The following GLIS3 variants were observed in gnomAD, a reference collection of about 807,000 sequenced individuals.
GLIS3 encodes GLIS family zinc finger 3.
GLIS3 carries 53 observed loss-of-function variants against 78.6 expected under a neutral mutation model. That is an observed-to-expected ratio of 0.67 (90% CI 0.54 to 0.85). The LOEUF is 0.85. Ranked by LOEUF, GLIS3 falls within the 40% of genes least tolerant of loss-of-function variation. GLIS3 has a pLI of 0.00. For synonymous variants in GLIS3, 684 were observed against 509.9 expected (o/e 1.34, Z -4.60); for missense variants, 1,703 against 1,231.1 (o/e 1.38, Z -5.74).
intron 2 of GLIS3, among the ~76,000 whole-genome samples, chr9:4,253,166 C>T (rs1281263930): frequency 6.6e-6 from 1 of 152,250 alleles, no homozygotes; most frequent in Non-Finnish European, 1.5e-5. Context: ...CTGCTCTCTT[C>T]AGAGCCGGCA....
At chr9:4,191,627 T>G (rs1163325826) in intron 2 of GLIS3, among the ~76,000 whole-genome samples, 1 of 152,196 alleles carries the variant, frequency 6.6e-6, no homozygotes, top group Non-Finnish European at 1.5e-5. Flanking sequence ...TTTCCAACCC[T>G]TTTCCCTAAA....
chr9:4,020,354 G>A (rs558981224), intron 4 of GLIS3, among the ~76,000 whole-genome samples: 1 of 152,106 alleles, frequency 6.6e-6, no homozygotes, highest in South Asian at 2.1e-4. Context: ...AAAAAGGCTT[G>A]GGTGCTGTGA....
chr9:4,068,264 C>A (rs1209464309), intron 4 of GLIS3, among the ~76,000 whole-genome samples: 1 of 151,898 alleles, frequency 6.6e-6, no homozygotes, highest in African/African-American at 2.4e-5. Flanking sequence ...ATAATCAAAT[C>A]CTAAAACTTC....
intron 2 of GLIS3, among the ~76,000 whole-genome samples, chr9:4,197,677 C>T (rs1457991043): frequency 6.6e-6 from 1 of 152,224 alleles, no homozygotes; most frequent in Non-Finnish European, 1.5e-5. Flanking sequence ...GGAGGGAGCT[C>T]AGACCACTAT....
intron 7 of GLIS3, chr9:3,898,256 A>G (rs1823007002): frequency 3.9e-6 from 1 of 257,060 alleles, no homozygotes; most frequent in Admixed American, 4.9e-5. Flanking sequence ...ACATTCTTAT[A>G]AGTTGGTTTG....
At chr9:4,267,202 A>G (rs370326156) in intron 2 of GLIS3, among the ~76,000 whole-genome samples, 5 of 152,130 alleles carry the variant, frequency 3.3e-5, no homozygotes, top group Middle Eastern at 3.4e-3. Flanking sequence ...CACATCTCCC[A>G]TCTTCTAAAG....
intron 2 of GLIS3, among the ~76,000 whole-genome samples, chr9:4,316,415 G>A (rs1462625127): frequency 6.6e-6 from 1 of 152,168 alleles, no homozygotes; most frequent in East Asian, 1.9e-4. Context: ...CTCCTTGCTA[G>A]GGACAGAGTA....
chr9:3,975,603 G>C (rs967377721), intron 4 of GLIS3, among the ~76,000 whole-genome samples: 2 of 151,308 alleles, frequency 1.3e-5, no homozygotes, highest in Non-Finnish European at 2.9e-5. Flanking sequence ...TACCTTATAG[G>C]TGCTTACTTT....
chr9:4,393,180 T>C, the GLIS3 span, among the ~76,000 whole-genome samples: 1 of 152,178 alleles, frequency 6.6e-6, no homozygotes, highest in African/African-American at 2.4e-5. Flanking sequence ...GTTGCTTACA[T>C]TTTCTGTTTT....
the GLIS3 span, among the ~76,000 whole-genome samples, chr9:4,391,762 G>C: frequency 6.6e-6 from 1 of 152,116 alleles, no homozygotes; most frequent in Non-Finnish European, 1.5e-5. Context: ...CCAGTACCTG[G>C]TACTGTTAAT....
chr9:4,308,974 A>G (rs76930095), intron 3 of GLIS3: 10,642 of 152,326 alleles, frequency 0.07, 512 homozygotes, highest in East Asian at 0.17. Flanking sequence ...TCTATCTGCA[A>G]AAGGAGAATG....
At chr9:4,465,786 T>G in the GLIS3 span, among the ~76,000 whole-genome samples, 1 of 152,200 alleles carries the variant, frequency 6.6e-6, no homozygotes, top group Non-Finnish European at 1.5e-5. Flanking sequence ...CCTCTTGGAT[T>G]TCTGCCTCTG....
intron 2 of GLIS3, among the ~76,000 whole-genome samples, chr9:4,220,981 T>C (rs1200779279): frequency 3.3e-5 from 5 of 152,156 alleles, no homozygotes; most frequent in Non-Finnish European, 5.9e-5. Context: ...CAAGACCCTG[T>C]CTCTAATTAA....
chr9:4,286,668 T>TA (rs2130348463), intron 1 of GLIS3, 145 bp from the exon 2 acceptor site: 1 of 567,026 alleles, frequency 1.8e-6, no homozygotes, highest in East Asian at 3.1e-5. Context: ...GGTCCTCAAA[T>TA]ACACGGCTCA....
intron 4 of GLIS3, among the ~76,000 whole-genome samples, chr9:3,973,502 A>G (rs1818544581): frequency 1.3e-5 from 2 of 152,166 alleles, no homozygotes; most frequent in South Asian, 4.1e-4. Flanking sequence ...TCAGATATTA[A>G]TATGAATTAC....
At chr9:4,306,046 T>G (rs532676661) in intron 4 of GLIS3, 2 of 151,792 alleles carry the variant, frequency 1.3e-5, no homozygotes, top group East Asian at 1.9e-4. Flanking sequence ...ATATTATACT[T>G]TGCTTTTATG....
chr9:4,188,432 A>G (rs1168121747), intron 2 of GLIS3, among the ~76,000 whole-genome samples: 2 of 149,388 alleles, frequency 1.3e-5, no homozygotes, highest in South Asian at 2.2e-4. Flanking sequence ...ATCAATGTTC[A>G]TCAAGGATAT....
At chr9:3,990,591 T>C (rs1820148740) in intron 4 of GLIS3, among the ~76,000 whole-genome samples, 1 of 152,150 alleles carries the variant, frequency 6.6e-6, no homozygotes, top group Non-Finnish European at 1.5e-5. Flanking sequence ...TGAACAGAAA[T>C]TTCCTGGCAC....
chr9:4,205,364 A>G (rs551029121), intron 2 of GLIS3, among the ~76,000 whole-genome samples: 15 of 152,318 alleles, frequency 9.8e-5, no homozygotes, highest in African/African-American at 3.1e-4. Flanking sequence ...GTCAATCCTC[A>G]TATTCCAAAG....
Sources: gnomAD v4.1 joint callset for allele counts (sites outside exome capture counted in the v4.1 genomes callset) on GRCh38, gnomAD v4.1.1 for gene constraint, MANE v1.5 for transcripts, NCBI Gene and HGNC (gene_info 2026-07-23, HGNC 2026-07-21) for gene names.